The following DGKB variants were observed in gnomAD, a reference collection of about 807,000 sequenced individuals.
DGKB encodes diacylglycerol kinase beta, also known as 90 kDa diacylglycerol kinase.
Under a neutral mutation model 114.3 loss-of-function variants are expected in DGKB, and 67 were observed. The observed-to-expected ratio is 0.59, with a 90% CI of 0.48 to 0.72. The LOEUF (loss-of-function observed/expected upper bound fraction) is 0.72, where lower values mean the gene tolerates loss of function less well. Ranked by LOEUF, DGKB falls within the 30% of genes least tolerant of loss-of-function variation. The pLI, the probability that DGKB is intolerant of heterozygous loss-of-function variation, is 0.00. For missense variants in DGKB, 907 were observed against 975.2 expected (o/e 0.93, Z 0.93); for synonymous variants, 398 against 323.1 (o/e 1.23, Z -2.49).
At chr7:14,655,119 C>A (rs1815494457) in intron 13 of DGKB, among the ~76,000 whole-genome samples, 1 of 151,736 alleles carries the variant, frequency 6.6e-6, no homozygotes, top group Non-Finnish European at 1.5e-5. Flanking sequence ...GAGAAAATAT[C>A]TACAAACTAT....
rs575222344 is a variant in DGKB, at chr7:14,630,059, AT to A, written c.1167+176del. On this transcript the variant is annotated intron_variant, in intron 14 of 25. Transcript: ENST00000402815. ...TATAGATGGAAAATTCTTCAAGTCT[AT>A]CCCATCACTGAAAATATGAAAACCA... 1.7e-4 allele frequency among the ~76,000 whole-genome samples: 26 copies of A among 152,196 alleles called. No individual in the cohort carries two copies. In the East Asian group the frequency reaches 5.0e-3, roughly 29 times the overall value.
intron 21 of DGKB, among the ~76,000 whole-genome samples, chr7:14,378,792 G>T (rs1482007042): frequency 6.6e-6 from 1 of 151,936 alleles, no homozygotes; most frequent in Non-Finnish European, 1.5e-5. Flanking sequence ...AATCAACAGT[G>T]TACTTAAAAA....
At chr7:14,578,446 C>T (rs573197413) in intron 19 of DGKB, among the ~76,000 whole-genome samples, 1 of 152,150 alleles carries the variant, frequency 6.6e-6, no homozygotes, top group Non-Finnish European at 1.5e-5. Context: ...AAGTTACACA[C>T]CTGTCAAGAA....
In DGKB at chr7:14,580,243, G is replaced by A. The variant is rs192526999; in HGVS notation, c.1609+619C>T. Among the ~76,000 whole-genome samples, 55 of 152,192 alleles carry A rather than the reference G, an allele frequency of 3.6e-4. No homozygotes were observed. The South Asian group carries it at 0.011, about 30-fold the overall frequency. Reference sequence around the variant, plus strand: ...CTTTACATGGCTGTGTCATTATCTAGCTAGCAGTTTTTTCTTCTATGTCAT... The same window carrying A: ...CTTTACATGGCTGTGTCATTATCTAACTAGCAGTTTTTTCTTCTATGTCAT... On this transcript the variant is annotated intron_variant, in intron 19 of 25. Coordinates refer to ENST00000402815, the MANE Select transcript of DGKB (RefSeq NM_001350709.2).
Position 14,280,316 on chromosome 7 carries a change from A to C in DGKB, c.2122+58199T>G, listed in dbSNP as rs545440564. Among the ~76,000 whole-genome samples the C allele has an allele frequency of 1.4e-4, 22 of 152,178 alleles. No homozygotes were observed. The South Asian group carries it at 4.4e-3, about 30-fold the overall frequency. On this transcript the variant is annotated intron_variant, in intron 23 of 25. Coordinates refer to ENST00000402815, the MANE Select transcript of DGKB (RefSeq NM_001350709.2). ...GAGAAGGAAAGTTTAGAGAGAAAAG[A>C]ATAAAAAGAAACGAGCAAAGCCTCC...
chr7:14,326,553 A>ATG (rs1808773377), intron 23 of DGKB, among the ~76,000 whole-genome samples: 1 of 152,144 alleles, frequency 6.6e-6, no homozygotes, highest in Non-Finnish European at 1.5e-5. Context: ...ATCTGAAGAA[A>ATG]ACATTATTCT....
intron 23 of DGKB, among the ~76,000 whole-genome samples, chr7:14,254,500 G>A (rs946882377): frequency 6.6e-6 from 1 of 151,978 alleles, no homozygotes; most frequent in Non-Finnish European, 1.5e-5. Context: ...ATATACACTA[G>A]ATAAAATGTT....
intron 1 of DGKB, among the ~76,000 whole-genome samples, chr7:14,924,341 T>C (rs1784652948): frequency 6.6e-6 from 1 of 152,148 alleles, no homozygotes. Flanking sequence ...CTATTTTCTT[T>C]GGTATTTTCT....
At chr7:14,235,794 T>C (rs553424902) in intron 23 of DGKB, among the ~76,000 whole-genome samples, 2 of 152,190 alleles carry the variant, frequency 1.3e-5, no homozygotes, top group Admixed American at 1.3e-4. Flanking sequence ...AAAGACAATG[T>C]ATTGATGTTT....
chr7:14,163,075 C>T (rs981113201), intron 25 of DGKB, among the ~76,000 whole-genome samples: 1 of 152,040 alleles, frequency 6.6e-6, no homozygotes, highest in African/African-American at 2.4e-5. Context: ...AGCTGTCAAG[C>T]TCACGGGTGT....
At chr7:14,954,081 C>G (rs1383374683) in intron 1 of DGKB, among the ~76,000 whole-genome samples, 1 of 152,038 alleles carries the variant, frequency 6.6e-6, no homozygotes, top group East Asian at 1.9e-4. Flanking sequence ...AGAAGGCTTT[C>G]TTGAAGATGT....
intron 5 of DGKB, among the ~76,000 whole-genome samples, chr7:14,731,358 T>A: frequency 6.6e-6 from 1 of 152,114 alleles, no homozygotes; most frequent in East Asian, 1.9e-4. Context: ...GTAATTGAGG[T>A]ACGTTATGTC....
intron 1 of DGKB, among the ~76,000 whole-genome samples, chr7:14,849,203 C>A (rs56159434): frequency 0.38 from 57,406 of 151,742 alleles, 11,568 homozygotes; most frequent in Non-Finnish European, 0.43. Context: ...CAATAGTAGG[C>A]AACTTATTGA....
intron 20 of DGKB, among the ~76,000 whole-genome samples, chr7:14,565,457 A>G (rs1461932452): frequency 6.6e-6 from 1 of 152,198 alleles, no homozygotes; most frequent in Non-Finnish European, 1.5e-5. Flanking sequence ...AAATATGTCA[A>G]TGACTCCAAA....
At chr7:14,913,991 T>C (rs1784116913) in intron 1 of DGKB, among the ~76,000 whole-genome samples, 1 of 152,154 alleles carries the variant, frequency 6.6e-6, no homozygotes, top group South Asian at 2.1e-4. Context: ...AATAGTTAAA[T>C]GTAGCCCTAC....
chr7:14,635,297 A>G (rs1472745319), intron 13 of DGKB, among the ~76,000 whole-genome samples: 1 of 86,452 alleles, frequency 1.2e-5, no homozygotes, highest in Non-Finnish European at 2.3e-5. Context: ...GCTATTGACA[A>G]GAAGGGAACC....
intron 2 of DGKB, among the ~76,000 whole-genome samples, chr7:14,821,352 C>T (rs1181341432): frequency 1.3e-5 from 2 of 151,956 alleles, no homozygotes; most frequent in Non-Finnish European, 2.9e-5. Flanking sequence ...AGATGATGAA[C>T]ACAAATAATT....
intron 4 of DGKB, among the ~76,000 whole-genome samples, chr7:14,746,899 TC>T (rs1481429302): frequency 6.6e-6 from 1 of 152,158 alleles, no homozygotes; most frequent in Admixed American, 6.5e-5. Context: ...CTATAACATT[TC>T]TGTGTCAGAT....
chr7:14,841,336 T>G lies in DGKB; in HGVS notation c.-73A>C. On this transcript the variant is annotated 5_prime_UTR_variant, in exon 2 of 26. Transcript: ENST00000402815. ...TCAGGTGTTGCGCAGAGGTCTATGC[T>G]TCAAAGATTCCACATGGCATGTTTC... 1 of 1,283,732 alleles carries G rather than the reference T, an allele frequency of 7.8e-7. No individual in the cohort carries two copies. The highest frequency in any genetic ancestry group is 1.5e-5 in the African/African-American group (1 of 67,426). 79.5% of individuals were successfully genotyped at this position (1,283,732 alleles called of 1,614,324 possible).
Sources: gnomAD v4.1 joint callset for allele counts (sites outside exome capture counted in the v4.1 genomes callset) on GRCh38, gnomAD v4.1.1 for gene constraint, MANE v1.5 for transcripts, NCBI Gene and HGNC (gene_info 2026-07-23, HGNC 2026-07-21) for gene names.